Variants in CDH4 observed in about 807,000 individuals in gnomAD.
CDH4 encodes the protein cadherin 4, also known as cadherin-4.
Under a neutral mutation model 86.0 loss-of-function variants are expected in CDH4, and 33 were observed. The observed-to-expected ratio is 0.38, with a 90% confidence interval of 0.29 to 0.51. CDH4 has a LOEUF of 0.51. Ranked by LOEUF, CDH4 falls within the 20% of genes least tolerant of loss-of-function variation. The probability of loss-of-function intolerance (pLI) is 0.86; values close to 1 mark genes in which losing one functional copy is unlikely to be tolerated. For synonymous variants in CDH4, 555 were observed against 549.4 expected (o/e 1.01, Z -0.14); for missense variants, 1,114 against 1,307.4 (o/e 0.85, Z 2.28).
chr20:61,775,374 C>T (rs1272251296), intron 4 of CDH4, among the ~76,000 whole-genome samples: 1 of 151,892 alleles, frequency 6.6e-6, no homozygotes, highest in African/African-American at 2.4e-5. Context: ...ATGCCTTGTG[C>T]TTCTGCCACC....
rs114539517 is a variant in CDH4, at chr20:61,514,677, G to A, written c.170-228886G>A. On this transcript the variant is annotated intron_variant, in intron 2 of 15. Transcript: ENST00000614565. Reference sequence around the variant, plus strand: ...TTGTCAAAGGGCCATAGGCAAATACGCACTGGGGCTGAGGTTTGCTGGTAA... The same window carrying A: ...TTGTCAAAGGGCCATAGGCAAATACACACTGGGGCTGAGGTTTGCTGGTAA... 3.6e-3 allele frequency among the ~76,000 whole-genome samples: 542 copies of A among 152,286 alleles called. 4 individuals are homozygous for A. Among genetic ancestry groups the A allele is most frequent in the African/African-American group, 0.011 (444 of 41,556 alleles).
intron 2 of CDH4, among the ~76,000 whole-genome samples, chr20:61,285,072 GTTTT>G (rs776837492): frequency 1.9e-3 from 283 of 150,642 alleles, no homozygotes; most frequent in Middle Eastern, 6.9e-3. Context: ...AGCCTTTCCT[GTTTT>G]TTTTTTTTGT....
chr20:61,615,367 C>T (rs1208789327), intron 2 of CDH4, among the ~76,000 whole-genome samples: 2 of 152,156 alleles, frequency 1.3e-5, no homozygotes, highest in Non-Finnish European at 2.9e-5. Flanking sequence ...GGTGATCCAC[C>T]CACCTCGGCC....
intron 2 of CDH4, among the ~76,000 whole-genome samples, chr20:61,687,286 T>C (rs2087594623): frequency 6.6e-6 from 1 of 152,266 alleles, no homozygotes; most frequent in African/African-American, 2.4e-5. Flanking sequence ...GTGTCTGCTC[T>C]TCCCCTTTCC....
At chr20:61,874,253 C>T (rs540076142) in intron 7 of CDH4, among the ~76,000 whole-genome samples, 1 of 152,264 alleles carries the variant, frequency 6.6e-6, no homozygotes, top group African/African-American at 2.4e-5. Context: ...TGAACACACA[C>T]GCCTGCCTTG....
chr20:61,655,393 CAT>C (rs1163856746), intron 2 of CDH4, among the ~76,000 whole-genome samples: 14 of 152,188 alleles, frequency 9.2e-5, no homozygotes, highest in Admixed American at 9.2e-4. Flanking sequence ...CACACACACA[CAT>C]ACACAGAACA....
intron 2 of CDH4, among the ~76,000 whole-genome samples, chr20:61,415,320 T>C (rs973392296): frequency 6.6e-6 from 1 of 152,064 alleles, no homozygotes; most frequent in Non-Finnish European, 1.5e-5. Flanking sequence ...TTAGTGGCCA[T>C]GTTGAAAAAA....
chr20:61,261,088 C>T (rs981339786), intron 2 of CDH4, among the ~76,000 whole-genome samples: 3 of 152,296 alleles, frequency 2.0e-5, no homozygotes, highest in Middle Eastern at 3.4e-3. Context: ...TGCCTTCCAT[C>T]GCAAGAGGGA....
chr20:61,773,531 T>C (rs1200703214), intron 4 of CDH4, among the ~76,000 whole-genome samples: 1 of 152,124 alleles, frequency 6.6e-6, no homozygotes, highest in African/African-American at 2.4e-5. Context: ...ATGACTAAGA[T>C]CCCGGATGAT....
intron 7 of CDH4, among the ~76,000 whole-genome samples, chr20:61,882,282 G>A (rs542093877): frequency 1.3e-5 from 2 of 152,366 alleles, no homozygotes; most frequent in African/African-American, 4.8e-5. Context: ...GCACCATGAC[G>A]TGAAAGCCAG....
intron 3 of CDH4, among the ~76,000 whole-genome samples, chr20:61,761,796 A>C (rs1025840438): frequency 1.3e-5 from 2 of 152,128 alleles, no homozygotes; most frequent in Admixed American, 6.5e-5. Flanking sequence ...AGCTCCCAGA[A>C]CCTTCCATCC....
chr20:61,590,862 C>G (rs947990838), intron 2 of CDH4, among the ~76,000 whole-genome samples: 1 of 140,270 alleles, frequency 7.1e-6, no homozygotes, highest in African/African-American at 2.8e-5. Flanking sequence ...AAAGCCTTGT[C>G]TTCCCTAAAT....
At chr20:61,261,930 A>G (rs2084129586) in intron 2 of CDH4, among the ~76,000 whole-genome samples, 1 of 152,196 alleles carries the variant, frequency 6.6e-6, no homozygotes, top group Non-Finnish European at 1.5e-5. Flanking sequence ...TGCCAGTGGG[A>G]GCTTTCAATT....
intron 8 of CDH4, among the ~76,000 whole-genome samples, chr20:61,895,908 G>A (rs192820690): frequency 1.3e-5 from 2 of 152,278 alleles, no homozygotes; most frequent in African/African-American, 2.4e-5. Flanking sequence ...GCCCAGCCCC[G>A]GGAGCCCCTC....
At chr20:61,407,490 C>A (rs893634247) in intron 2 of CDH4, among the ~76,000 whole-genome samples, 3 of 152,156 alleles carry the variant, frequency 2.0e-5, no homozygotes, top group South Asian at 2.1e-4. Context: ...TGGGTGAATA[C>A]GTGGCTCAGA....
intron 2 of CDH4, among the ~76,000 whole-genome samples, chr20:61,732,088 G>GTGACTCAC (rs199828325): frequency 1.6e-3 from 250 of 152,318 alleles, no homozygotes; most frequent in African/African-American, 5.8e-3. Context: ...TGCAGTGACG[G>GTGACTCAC]TGACTCACTG....
intron 2 of CDH4, among the ~76,000 whole-genome samples, chr20:61,274,411 TGGGGGAG>T (rs2084212674): frequency 1.3e-5 from 1 of 77,102 alleles, no homozygotes. Context: ...GTGTGCAGTT[TGGGGGAG>T]TACCATGTGC....
intron 2 of CDH4, among the ~76,000 whole-genome samples, chr20:61,273,447 AGTTTGGGGGAGGACCATGTG>A (rs1568776195): frequency 1.7e-5 from 1 of 58,340 alleles, no homozygotes; most frequent in Non-Finnish European, 3.1e-5. Flanking sequence ...GACCATGTGC[AGTTTGGGGGAGGACCATGTG>A]CAGTTTGGGG....
intron 2 of CDH4, among the ~76,000 whole-genome samples, chr20:61,712,452 A>G (rs1288876000): frequency 6.6e-6 from 1 of 152,140 alleles, no homozygotes; most frequent in African/African-American, 2.4e-5. Context: ...ACTGCCCTAG[A>G]GGGGAGAAGG....
Sources: allele counts gnomAD v4.1 joint callset (sites outside exome capture counted in the v4.1 genomes callset), GRCh38; gene constraint gnomAD v4.1.1; transcripts MANE v1.5; gene names NCBI Gene and HGNC (gene_info 2026-07-23, HGNC 2026-07-21).